DDC: variants seen among roughly 807,000 people sequenced by gnomAD.
The protein encoded by DDC is dopa decarboxylase, also known as aromatic-L-amino-acid decarboxylase.
DDC carries 43 observed loss-of-function variants against 60.0 expected under a neutral mutation model. The ratio of observed to expected loss-of-function variants is 0.72; its 90% confidence interval spans 0.56 to 0.92. The LOEUF (loss-of-function observed/expected upper bound fraction) is 0.92. Ranked by LOEUF, DDC falls within the 40% of genes least tolerant of loss-of-function variation. DDC has a pLI of 0.00. For missense variants in DDC, 573 were observed against 620.2 expected (o/e 0.92, Z 0.81); for synonymous variants, 232 against 234.6 (o/e 0.99, Z 0.10).
At position 50,479,879 on chromosome 7, in the gene DDC, A is replaced by T. The variant is rs942973348; in HGVS notation, c.945-16T>A. 1 of 1,610,228 alleles carries T rather than the reference A, an allele frequency of 6.2e-7. No individual in the cohort carries two copies. The highest frequency in any genetic ancestry group is 8.5e-7 in the Non-Finnish European group (1 of 1,177,016). ...CTTTTTCACCCTGGTTTTAGAGAAC[A>T]AATGAAAGGGCTGATAACCAAGTAC... On this transcript the variant is annotated splice_polypyrimidine_tract_variant and intron_variant, in intron 9 of 14. Transcript: ENST00000444124.
intron 2 of DDC, 27 bp downstream of exon 2, chr7:50,543,858 G>C (rs1221810347): frequency 1.2e-6 from 2 of 1,609,756 alleles, no homozygotes; most frequent in Non-Finnish European, 1.7e-6. Flanking sequence ...TAGCCCTCCT[G>C]TTTTCTGACC....
intron 4 of DDC, among the ~76,000 whole-genome samples, chr7:50,532,177 T>C (rs1327419063): frequency 6.6e-6 from 1 of 152,186 alleles, no homozygotes; most frequent in African/African-American, 2.4e-5. Context: ...CTGTGCTCTT[T>C]GGGGCCTCAC....
intron 6 of DDC, among the ~76,000 whole-genome samples, chr7:50,511,080 C>A (rs1585208171): frequency 1.4e-5 from 2 of 144,696 alleles, no homozygotes; most frequent in East Asian, 3.9e-4. Context: ...CACACACACA[C>A]ACACAAAATA....
At chr7:50,523,359 G>T (rs759593055) in intron 6 of DDC, among the ~76,000 whole-genome samples, 7 of 152,076 alleles carry the variant, frequency 4.6e-5, no homozygotes, top group Non-Finnish European at 1.0e-4. Context: ...CTCTGCAAAA[G>T]ACATTGTTTA....
chr7:50,492,595 C>T (rs2043021200), intron 9 of DDC: 1 of 838,240 alleles, frequency 1.2e-6, no homozygotes, highest in African/African-American at 1.7e-5. Context: ...TGGGAACTAA[C>T]CCCATCACCC....
intron 1 of DDC, among the ~76,000 whole-genome samples, chr7:50,561,539 G>A (rs1323290119): frequency 2.0e-5 from 3 of 152,094 alleles, no homozygotes; most frequent in Non-Finnish European, 4.4e-5. Flanking sequence ...TGTAGATTAG[G>A]TGTTGAGCCG....
Position 50,544,086 on chromosome 7 carries a change from G to A in DDC, c.-1C>T. On this transcript the variant is annotated 5_prime_UTR_variant, in exon 2 of 15. Transcript: ENST00000444124. ...TCCTTCGGAATTCACTTGCGTTCAT[G>A]GTGTCTGGGCTCTGTCAGAGGTGAA... The A allele has an allele frequency of 1.2e-6, 2 of 1,613,996 alleles. No homozygotes were observed. The highest frequency in any genetic ancestry group is 2.2e-5 in the South Asian group (2 of 91,068).
At chr7:50,508,247 G>A (rs796594101) in intron 6 of DDC, among the ~76,000 whole-genome samples, 24 of 152,338 alleles carry the variant, frequency 1.6e-4, no homozygotes, top group African/African-American at 4.1e-4. Context: ...CACCTGCTCC[G>A]CTCCAGGCTC....
chr7:50,479,949 A>C, intron 9 of DDC, 86 bp from the exon 10 acceptor site: 4 of 1,014,810 alleles, frequency 3.9e-6, no homozygotes, highest in Non-Finnish European at 4.5e-6. Flanking sequence ...GCCTCAGCTC[A>C]GGCACCTGCT....
intron 12 of DDC, among the ~76,000 whole-genome samples, chr7:50,469,752 G>A (rs1250998073): frequency 6.6e-6 from 1 of 152,180 alleles, no homozygotes; most frequent in African/African-American, 2.4e-5. Flanking sequence ...GCTGAGGTGG[G>A]TGGATCACCT....
At chr7:50,504,175 A>T (rs1056538303) in intron 6 of DDC, 116 bp from the exon 7 acceptor site, 1 of 753,966 alleles carries the variant, frequency 1.3e-6, no homozygotes, top group African/African-American at 1.7e-5. Flanking sequence ...CGAGATCCCA[A>T]TGAATGTCTG....
At chr7:50,475,159 A>G (rs2095148601) in intron 11 of DDC, among the ~76,000 whole-genome samples, 1 of 152,250 alleles carries the variant, frequency 6.6e-6, no homozygotes, top group Non-Finnish European at 1.5e-5. Flanking sequence ...CCCTCATGCA[A>G]CATGAAGTCT....
At chr7:50,476,703 G>C (rs995893156) in intron 10 of DDC, 60 bp from the exon 11 acceptor site, 2 of 1,452,428 alleles carry the variant, frequency 1.4e-6, no homozygotes, top group Non-Finnish European at 1.9e-6. Flanking sequence ...TTGATCACAC[G>C]CTAATCCTTT....
At chr7:50,501,467 C>T (rs1171101872) in intron 7 of DDC, among the ~76,000 whole-genome samples, 1 of 152,250 alleles carries the variant, frequency 6.6e-6, no homozygotes, top group Non-Finnish European at 1.5e-5. Context: ...AATACCCTCA[C>T]TGGCAAATCA....
At position 50,543,874 on chromosome 7, in the gene DDC, T is replaced by C. The variant is rs1468883952; in HGVS notation, c.201+11A>G. On this transcript the variant is annotated intron_variant, in intron 2 of 14. Transcript: ENST00000444124. ...AGCCCTCCTGTTTTCTGACCTTGGA[T>C]ACACACTTACCCCAGGCATGATTAT... 4.3e-6 allele frequency: 7 copies of C among 1,613,478 alleles called. No individual in the cohort carries two copies. The highest frequency in any genetic ancestry group is 1.1e-5 in the South Asian group (1 of 91,040).
At chr7:50,489,808 T>A (rs6953675) in intron 9 of DDC, among the ~76,000 whole-genome samples, 83,829 of 152,036 alleles carry the variant, frequency 0.55, 23,295 homozygotes, top group Admixed American at 0.62. Flanking sequence ...CCTATGCCAG[T>A]TTAACAAGGT....
At chr7:50,473,017 C>T (rs1213923223) in intron 11 of DDC, among the ~76,000 whole-genome samples, 2 of 152,224 alleles carry the variant, frequency 1.3e-5, no homozygotes, top group Non-Finnish European at 2.9e-5. Flanking sequence ...AAAGCAAATG[C>T]TCTGGGGACA....
chr7:50,472,891 C>T (rs755001062), intron 11 of DDC, among the ~76,000 whole-genome samples: 2 of 152,180 alleles, frequency 1.3e-5, no homozygotes, highest in Non-Finnish European at 2.9e-5. Context: ...ATCCAGGGAT[C>T]TTCTCCCCAG....
intron 9 of DDC, among the ~76,000 whole-genome samples, chr7:50,481,611 G>T (rs1299239958): frequency 6.6e-6 from 1 of 152,108 alleles, no homozygotes; most frequent in East Asian, 1.9e-4. Flanking sequence ...CCCTGCTTAT[G>T]AAATAAAACT....
Sources: gnomAD v4.1 joint callset for allele counts (sites outside exome capture counted in the v4.1 genomes callset) on GRCh38, gnomAD v4.1.1 for gene constraint, MANE v1.5 for transcripts, NCBI Gene and HGNC (gene_info 2026-07-23, HGNC 2026-07-21) for gene names.